MYPN: variants seen among roughly 807,000 people sequenced by gnomAD.
MYPN encodes sarcomeric protein myopalladin, 145 kDa (MYOP).
MYPN carries 63 observed loss-of-function variants against 129.4 expected under a neutral mutation model. The observed-to-expected ratio is 0.49, with a 90% CI of 0.40 to 0.60. The LOEUF is 0.60. Ranked by LOEUF, MYPN falls within the 20% of genes least tolerant of loss-of-function variation. MYPN has a pLI of 0.00. For synonymous variants in MYPN, 629 were observed against 600.9 expected, an observed-to-expected ratio of 1.05 and a Z score of -0.68; for missense variants, 1,596 against 1,635.4, an observed-to-expected ratio of 0.98 and a Z score of 0.42.
At chr10:68,170,072 T>C (rs1459583326) in intron 10 of MYPN, among the ~76,000 whole-genome samples, 1 of 152,186 alleles carries the variant, frequency 6.6e-6, no homozygotes, top group Non-Finnish European at 1.5e-5. Context: ...TAGAATCCCT[T>C]CTAAGGAGAC....
chr10:68,142,598 T>TA (rs1291833147), intron 2 of MYPN, among the ~76,000 whole-genome samples: 1 of 152,208 alleles, frequency 6.6e-6, no homozygotes, highest in African/African-American at 2.4e-5. Context: ...AATGTAGCAC[T>TA]TAATGCATAT....
At position 68,206,687 on chromosome 10, in the gene MYPN, C is replaced by T. The variant is rs935797794; in HGVS notation, c.3660-83C>T. 7 of 1,587,606 alleles carry T rather than the reference C, an allele frequency of 4.4e-6. No homozygotes were observed. The African/African-American group carries it at 6.7e-5, about 15-fold the overall frequency. ...TTGATGTCTGCCTTAAGCTGAGTTC[C>T]CCCTTCTTCCTGGAACCCTAAATTT... On this transcript the variant is annotated intron_variant, in intron 18 of 19. Transcript: ENST00000358913.
At chr10:68,170,007 G>T (rs1190626285) in intron 10 of MYPN, among the ~76,000 whole-genome samples, 2 of 152,044 alleles carry the variant, frequency 1.3e-5, no homozygotes, top group Non-Finnish European at 2.9e-5. Flanking sequence ...CAAAGTGCTG[G>T]GATTACAGGT....
In MYPN at chr10:68,211,413, G is replaced by T. The variant is rs537455141; in HGVS notation, c.*958G>T. 6.6e-6 allele frequency: 3 copies of T among 454,104 alleles called. No individual in the cohort carries two copies. In the East Asian group the frequency reaches 2.1e-4, roughly 32 times the overall value. 28.1% of individuals were successfully genotyped at this position (454,104 alleles called of 1,614,324 possible). Reference sequence around the variant, plus strand: ...CAAACAAGGAGAGGAAATGATGGGAGAGTGTTGTTTTTGTCACTTGCCCCA... The same window carrying T: ...CAAACAAGGAGAGGAAATGATGGGATAGTGTTGTTTTTGTCACTTGCCCCA... On this transcript the variant is annotated 3_prime_UTR_variant, in exon 20 of 20. Transcript: ENST00000358913.
At chr10:68,155,039 G>A (rs150024411) in intron 6 of MYPN, among the ~76,000 whole-genome samples, 10 of 152,106 alleles carry the variant, frequency 6.6e-5, no homozygotes, top group African/African-American at 2.4e-4. Flanking sequence ...AAATTAGCCG[G>A]GCATGGTGGC....
At chr10:68,194,341 T>A in intron 13 of MYPN, 22 bp from the exon 14 acceptor site, 3 of 1,611,796 alleles carry the variant, frequency 1.9e-6, no homozygotes, top group Non-Finnish European at 2.5e-6. Context: ...ACAGTGTACA[T>A]CTTGATAATT....
chr10:68,200,290 C>T (rs1409167021), intron 17 of MYPN, among the ~76,000 whole-genome samples: 1 of 152,142 alleles, frequency 6.6e-6, no homozygotes, highest in East Asian at 1.9e-4. Context: ...AATATTGAAT[C>T]AATATCTAAA....
intron 5 of MYPN, among the ~76,000 whole-genome samples, chr10:68,148,945 G>A (rs1413728644): frequency 2.0e-5 from 3 of 152,212 alleles, no homozygotes; most frequent in African/African-American, 4.8e-5. Context: ...ACAGAAGTAT[G>A]CCAGGTGTGG....
intron 2 of MYPN, among the ~76,000 whole-genome samples, chr10:68,123,167 G>A (rs963587998): frequency 2.0e-5 from 3 of 151,726 alleles, no homozygotes; most frequent in African/African-American, 7.3e-5. Flanking sequence ...TTGAGGTCAG[G>A]AGTTCAAGAC....
At chr10:68,135,380 C>A in intron 2 of MYPN, 1 of 577,806 alleles carries the variant, frequency 1.7e-6, no homozygotes, top group Non-Finnish European at 2.2e-6. Context: ...TCAAACAGGA[C>A]ATACAAATTG....
intron 1 of MYPN, among the ~76,000 whole-genome samples, chr10:68,119,556 G>A (rs552879194): frequency 1.3e-5 from 2 of 151,970 alleles, no homozygotes; most frequent in South Asian, 2.1e-4. Flanking sequence ...AATTACAGGC[G>A]CCCACCACCA....
At chr10:68,103,310 A>T (rs1187306986), upstream of MYPN, among the ~76,000 whole-genome samples, 2 of 152,166 alleles carry the variant, frequency 1.3e-5, no homozygotes, top group African/African-American at 4.8e-5. Context: ...TTTGGCACTT[A>T]CTATTTTCCT....
At chr10:68,119,953 G>A (rs532902686) in intron 1 of MYPN, among the ~76,000 whole-genome samples, 2 of 152,174 alleles carry the variant, frequency 1.3e-5, no homozygotes, top group African/African-American at 4.8e-5. Flanking sequence ...GAAGCCTTTC[G>A]TGTGATATAA....
intron 1 of MYPN, among the ~76,000 whole-genome samples, chr10:68,115,258 CAAAA>C (rs58484168): frequency 1.9e-5 from 1 of 53,652 alleles, no homozygotes. Context: ...AACTCCATCT[CAAAA>C]AAAAAAAAAA....
chr10:68,144,270 G>C (rs1484489340), intron 3 of MYPN, among the ~76,000 whole-genome samples: 2 of 152,090 alleles, frequency 1.3e-5, no homozygotes, highest in Admixed American at 1.3e-4. Context: ...TTTGTCTGCA[G>C]ATCATTCTTT....
intron 1 of MYPN, among the ~76,000 whole-genome samples, chr10:68,112,587 C>T (rs141528794): frequency 2.0e-5 from 3 of 152,122 alleles, no homozygotes; most frequent in African/African-American, 7.2e-5. Context: ...CATCTCTGCT[C>T]GGCCTCTTTA....
In MYPN at chr10:68,101,071, A is replaced by T. The variant is rs78097213; in HGVS notation, c.-2+13079A>T. On this transcript the variant is annotated intron_variant, in intron 1 of 6. Transcript: ENST00000685154. ...GGCATGCCACAGATAAATATTTATTATGTGCCTACTTTGTGTCATGCCTTG... is the reference window on the plus strand; with the variant it reads ...GGCATGCCACAGATAAATATTTATTTTGTGCCTACTTTGTGTCATGCCTTG... 1.6e-3 allele frequency among the ~76,000 whole-genome samples: 249 copies of T among 152,324 alleles called. 2 individuals carry two copies. The highest frequency in any genetic ancestry group is 5.8e-3 in the African/African-American group (242 of 41,584).
chr10:68,173,471 G>A (rs1027598811), intron 10 of MYPN, among the ~76,000 whole-genome samples: 3 of 152,286 alleles, frequency 2.0e-5, no homozygotes, highest in East Asian at 1.9e-4. Context: ...AAAGAATACA[G>A]TGTGAAGGAC....
chr10:68,158,151 G>T, intron 6 of MYPN: 2 of 258,348 alleles, frequency 7.7e-6, no homozygotes, highest in South Asian at 1.2e-4. Flanking sequence ...TGATCAGGCT[G>T]GCTATGCGGG....
Sources: allele counts gnomAD v4.1 joint callset (sites outside exome capture counted in the v4.1 genomes callset), GRCh38; gene constraint gnomAD v4.1.1; transcripts MANE v1.5; gene names NCBI Gene and HGNC (gene_info 2026-07-23, HGNC 2026-07-21).